DMD: variants seen among roughly 807,000 people sequenced by gnomAD.
DMD encodes mutant dystrophin.
A neutral mutation model predicts 330.1 loss-of-function variants in DMD; 63 were observed. The observed-to-expected ratio is 0.19, with a 90% CI of 0.16 to 0.24. The LOEUF (loss-of-function observed/expected upper bound fraction) is 0.24, where lower values mean the gene tolerates loss of function less well. Ranked by LOEUF, DMD falls within the 10% of genes least tolerant of loss-of-function variation. The pLI, the probability that DMD is intolerant of heterozygous loss-of-function variation, is 1.00. For missense variants in DMD, 3,344 were observed against 2,684.1 expected (o/e 1.25, Z -5.43); for synonymous variants, 1,223 against 959.8 (o/e 1.27, Z -5.07).
At chrX:32,170,631 T>G (rs961004981) in intron 44 of DMD, among the ~76,000 whole-genome samples, 3 of 110,088 alleles carry the variant, frequency 2.7e-5, no homozygotes, top group Middle Eastern at 4.7e-3. Context: ...CTTTCGTAAC[T>G]AGTTCCTCAT....
intron 1 of DMD, among the ~76,000 whole-genome samples, chrX:33,293,784 G>T (rs558757647): frequency 2.7e-5 from 3 of 111,539 alleles, no homozygotes; most frequent in African/African-American, 9.7e-5. Flanking sequence ...CTGCCCAAAC[G>T]TTTTATATTC....
chrX:32,706,424 C>T (rs998660782), intron 7 of DMD, among the ~76,000 whole-genome samples: 1 of 109,752 alleles, frequency 9.1e-6, no homozygotes, highest in African/African-American at 3.3e-5. Context: ...CATGGTGATA[C>T]ACGCCTCTAA....
Position 32,808,341 on chromosome X carries a change from T to A in DMD, c.649+1152A>T, listed in dbSNP as rs185717602. ...TTGCTTTCCCAAGTACATGTGCTTATCAAGAGCAATATATTTGTCAATTGT... is the reference window on the plus strand; with the variant it reads ...TTGCTTTCCCAAGTACATGTGCTTAACAAGAGCAATATATTTGTCAATTGT... On this transcript the variant is annotated intron_variant, in intron 7 of 78. Coordinates refer to ENST00000357033, the MANE Select transcript of DMD (RefSeq NM_004006.3). Among the ~76,000 whole-genome samples the A allele has an allele frequency of 4.5e-3, 503 of 112,485 alleles. 3 individuals carry two copies. Among genetic ancestry groups the A allele is most frequent in the African/African-American group, 0.016 (485 of 31,049 alleles).
intron 49 of DMD, among the ~76,000 whole-genome samples, chrX:31,832,830 A>C (rs776553492): frequency 8.9e-6 from 1 of 112,513 alleles, no homozygotes; most frequent in Admixed American, 9.4e-5. Flanking sequence ...AAGCATTGAA[A>C]GTACATAAAC....
At chrX:32,185,384 T>C (rs1308559754) in intron 44 of DMD, among the ~76,000 whole-genome samples, 1 of 111,308 alleles carries the variant, frequency 9.0e-6, no homozygotes, top group African/African-American at 3.3e-5. Flanking sequence ...ACTCCCAGTC[T>C]GGCTGCACCT....
intron 64 of DMD, among the ~76,000 whole-genome samples, chrX:31,211,413 C>A (rs1322007007): frequency 8.9e-6 from 1 of 112,384 alleles, no homozygotes; most frequent in African/African-American, 3.2e-5. Flanking sequence ...ATATTCCCAA[C>A]ATGTTTCCTT....
intron 45 of DMD, among the ~76,000 whole-genome samples, chrX:31,951,145 A>ATG (rs1557025456): frequency 0.074 from 5,288 of 71,105 alleles, 222 homozygotes; most frequent in East Asian, 0.094. Flanking sequence ...ATATATGTGT[A>ATG]TATATATATA....
At chrX:32,797,800 A>C (rs1016809753) in intron 7 of DMD, among the ~76,000 whole-genome samples, 5 of 110,178 alleles carry the variant, frequency 4.5e-5, no homozygotes, top group Non-Finnish European at 9.5e-5. Flanking sequence ...TTGTTATTTC[A>C]CCTGTAATTA....
intron 7 of DMD, among the ~76,000 whole-genome samples, chrX:32,751,263 T>C (rs2070774491): frequency 9.0e-6 from 1 of 110,985 alleles, no homozygotes; most frequent in African/African-American, 3.3e-5. Flanking sequence ...TCCTAGAGAC[T>C]TGAATAGCTT....
chrX:32,187,271 A>C (rs1250786075), intron 44 of DMD, among the ~76,000 whole-genome samples: 1 of 111,307 alleles, frequency 9.0e-6, no homozygotes, highest in East Asian at 2.8e-4. Flanking sequence ...CCCACTGCAA[A>C]TGTCAATTTT....
chrX:32,734,380 T>C (rs2068132613), intron 7 of DMD, among the ~76,000 whole-genome samples: 2 of 99,171 alleles, frequency 2.0e-5, no homozygotes, highest in African/African-American at 8.9e-5. Context: ...TTCCAATCAA[T>C]AGAAAAAGAG....
intron 25 of DMD, among the ~76,000 whole-genome samples, chrX:32,461,314 GTCT>G (rs760829707): frequency 6.3e-4 from 70 of 110,876 alleles, no homozygotes; most frequent in African/African-American, 2.2e-3. Flanking sequence ...TTACCGCATC[GTCT>G]TCTTCTTCTC....
At position 31,209,637 on chromosome X, in the gene DMD, C is replaced by T; in HGVS notation, c.9424G>A (p.Asp3142Asn). Residue 3142 changes from aspartate to asparagine, a missense_variant, in exon 65 of 79, where the codon GAC (aspartate) becomes AAC (asparagine). Asp to Asn is a conservative substitution (Grantham distance 23). Transcript: ENST00000357033. Reference sequence around the variant, plus strand: ...ATCTGCAGGATATCCATGGGCTGGTCATTTTGCTTGAGGTTGTGCTGGTCC... The same window carrying T: ...ATCTGCAGGATATCCATGGGCTGGTTATTTTGCTTGAGGTTGTGCTGGTCC... ...ALDQHNLKQNDQPMDILQIIN... is the reference protein window; with the variant it reads ...ALDQHNLKQNNQPMDILQIIN... The T allele has an allele frequency of 8.3e-7, 1 of 1,211,592 alleles. No individual in the cohort carries two copies. Among genetic ancestry groups the T allele is most frequent in the Non-Finnish European group, 1.1e-6 (1 of 895,438 alleles).
intron 1 of DMD, among the ~76,000 whole-genome samples, chrX:33,253,684 A>T (rs755395888): frequency 2.7e-5 from 3 of 111,167 alleles, no homozygotes; most frequent in Non-Finnish European, 5.7e-5. Context: ...TAAGTGACAA[A>T]ATTCTGATGG....
intron 77 of DMD, among the ~76,000 whole-genome samples, chrX:31,130,878 TTTA>T (rs767640660): frequency 1.8e-5 from 2 of 112,223 alleles, no homozygotes; most frequent in Admixed American, 9.5e-5. Context: ...ATCTATATAC[TTTA>T]TGTTTATGAA....
chrX:31,673,387 C>T (rs973582900), intron 53 of DMD, among the ~76,000 whole-genome samples: 18 of 111,559 alleles, frequency 1.6e-4, no homozygotes, highest in African/African-American at 4.2e-4. Flanking sequence ...CTGAAGTGGG[C>T]GGAACACTCG....
intron 55 of DMD, among the ~76,000 whole-genome samples, chrX:31,561,765 C>T (rs1368526466): frequency 8.9e-6 from 1 of 112,444 alleles, no homozygotes. Context: ...CATATTAAAA[C>T]AACAGTATTT....
chrX:32,882,948 T>G (rs1486950515), intron 2 of DMD, among the ~76,000 whole-genome samples: 1 of 112,285 alleles, frequency 8.9e-6, no homozygotes, highest in African/African-American at 3.2e-5. Flanking sequence ...TAACATGCAA[T>G]TCTTCCTGCC....
At chrX:32,301,222 T>TAAAAAAAAAAAAAAAA (rs56329666) in intron 42 of DMD, among the ~76,000 whole-genome samples, 2 of 74,684 alleles carry the variant, frequency 2.7e-5, no homozygotes, top group Admixed American at 1.6e-4. Context: ...TGCATACATC[T>TAAAAAAAAAAAAAAAA]AAAAAAAAAA....
Sources: gnomAD v4.1 joint callset for allele counts (sites outside exome capture counted in the v4.1 genomes callset) on GRCh38, gnomAD v4.1.1 for gene constraint, MANE v1.5 for transcripts, NCBI Gene and HGNC (gene_info 2026-07-23, HGNC 2026-07-21) for gene names.